Variants in RSBN1 observed in about 807,000 individuals in gnomAD.
RSBN1 encodes the protein round spermatid basic protein 1.
RSBN1 carries 23 observed loss-of-function variants against 74.8 expected under a neutral mutation model. That is an observed-to-expected ratio of 0.31 (90% confidence interval 0.22 to 0.44). The LOEUF is 0.44. Ranked by LOEUF, RSBN1 falls within the 20% of genes least tolerant of loss-of-function variation. The probability of loss-of-function intolerance (pLI) is 1.00; values close to 1 mark genes in which losing one functional copy is unlikely to be tolerated. For synonymous variants in RSBN1, 407 were observed against 379.6 expected, an observed-to-expected ratio of 1.07 and a Z score of -0.84; for missense variants, 808 against 1,020.9, an observed-to-expected ratio of 0.79 and a Z score of 2.84.
intron 1 of RSBN1, among the ~76,000 whole-genome samples, chr1:113,807,141 C>T (rs1241722824): frequency 3.3e-5 from 5 of 151,712 alleles, no homozygotes; most frequent in African/African-American, 9.7e-5. Context: ...GGCGAAACCC[C>T]GTCTCTACTG....
At chr1:113,776,810 CAAAAAAAA>C (rs58152175) in intron 4 of RSBN1, among the ~76,000 whole-genome samples, 1 of 90,262 alleles carries the variant, frequency 1.1e-5, no homozygotes, top group Non-Finnish European at 2.2e-5. Flanking sequence ...GACCCTATCT[CAAAAAAAA>C]AAAAAAAAAA....
rs942357033 is a variant in RSBN1, at chr1:113,764,433, G to A, written c.*1547C>T. ...ATTTGCTGATGGTTACTTTTCTATC[G>A]GTTTACACAGTGACCTCTATACTTT... On this transcript the variant is annotated 3_prime_UTR_variant, in exon 7 of 7. Transcript: ENST00000261441. 1 of 152,348 alleles carries A rather than the reference G, an allele frequency of 6.6e-6. No homozygotes were observed. The highest frequency in any genetic ancestry group is 1.5e-5 in the Non-Finnish European group (1 of 67,958). The allele number at this position is 152,348 out of a possible 1,614,324, so 9.4% of individuals were successfully genotyped here.
intron 4 of RSBN1, among the ~76,000 whole-genome samples, chr1:113,774,369 T>A (rs981687810): frequency 4.6e-5 from 7 of 151,874 alleles, no homozygotes; most frequent in Admixed American, 1.3e-4. Flanking sequence ...AACTCTTTTT[T>A]AATTAAAATT....
rs1659824927 is a variant in RSBN1, at chr1:113,768,372, T to C, written c.1676A>G (p.Lys559Arg). ...FKRRRSMNEI[K>R]NLQYLPRTSE... ...GGTCCGAGGTAGGTACTGGAGATTT[T>C]TTATTTCATTCATTGATCTAGAGTT... Residue 559 changes from lysine (K) to arginine (R), a missense_variant, in exon 5 of 7, where the codon AAA becomes AGA. Physicochemically the swap from Lys to Arg is conservative, Grantham distance 26. Coordinates refer to ENST00000261441, the MANE Select transcript of RSBN1 (RefSeq NM_018364.5). 1.2e-6 allele frequency: 2 copies of C among 1,602,986 alleles called. No homozygotes were observed. The highest frequency in any genetic ancestry group is 2.2e-5 in the East Asian group (1 of 44,766).
chr1:113,812,419 A>C lies in RSBN1; in HGVS notation c.-7T>G, dbSNP rs1428730984. 6.3e-7 allele frequency: 1 copy of C among 1,586,900 alleles called. No individual in the cohort carries two copies. Among genetic ancestry groups the C allele is most frequent in the Non-Finnish European group, 8.5e-7 (1 of 1,172,978 alleles). Reference sequence around the variant, plus strand: ...TTCGTCCAGAGATGAACATGCCGGAAGCGGCCGTTCCCAGCTTTTCTCCGC... The same window carrying C: ...TTCGTCCAGAGATGAACATGCCGGACGCGGCCGTTCCCAGCTTTTCTCCGC... On this transcript the variant is annotated 5_prime_UTR_variant, in exon 1 of 7. Coordinates refer to ENST00000261441, the MANE Select transcript of RSBN1 (RefSeq NM_018364.5).
chr1:113,811,207 C>T (rs903662237), intron 1 of RSBN1, among the ~76,000 whole-genome samples: 3 of 152,160 alleles, frequency 2.0e-5, no homozygotes, highest in Admixed American at 2.0e-4. Context: ...CCAAGATAAA[C>T]TGCGTCTGAT....
chr1:113,807,531 G>A (rs1040278132), intron 1 of RSBN1, among the ~76,000 whole-genome samples: 3 of 151,814 alleles, frequency 2.0e-5, no homozygotes, highest in East Asian at 1.9e-4. Context: ...AGGCTGAGGC[G>A]GGTGGATCAC....
Position 113,812,442 on chromosome 1 carries a change from C to G in RSBN1, c.-30G>C, listed in dbSNP as rs943126386. 16 of 1,555,888 alleles carry G rather than the reference C, an allele frequency of 1.0e-5. No homozygotes were observed. The highest frequency in any genetic ancestry group is 1.3e-5 in the Non-Finnish European group (15 of 1,158,074). ...GAAGCGGCCGTTCCCAGCTTTTCTC[C>G]GCAGGCCTCTCCAACCGAGCTTCTA... On this transcript the variant is annotated 5_prime_UTR_variant, in exon 1 of 7. Coordinates refer to ENST00000261441, the MANE Select transcript of RSBN1 (RefSeq NM_018364.5).
intron 1 of RSBN1, among the ~76,000 whole-genome samples, chr1:113,804,058 G>T (rs766914769): frequency 6.6e-6 from 1 of 151,952 alleles, no homozygotes; most frequent in African/African-American, 2.4e-5. Flanking sequence ...GAGCCCAGGA[G>T]TTCGAGGTTA....
intron 2 of RSBN1, among the ~76,000 whole-genome samples, chr1:113,780,786 C>T (rs1375393258): frequency 6.6e-6 from 1 of 152,192 alleles, no homozygotes; most frequent in Admixed American, 6.5e-5. Context: ...AACTATGCTA[C>T]AAAATACTAG....
intron 2 of RSBN1, among the ~76,000 whole-genome samples, chr1:113,786,194 T>C (rs886836301): frequency 3.3e-5 from 5 of 152,178 alleles, no homozygotes; most frequent in South Asian, 2.1e-4. Flanking sequence ...GAAAGAAGTA[T>C]GAAAGATGAC....
intron 2 of RSBN1, among the ~76,000 whole-genome samples, chr1:113,789,412 G>GT (rs1184074847): frequency 6.6e-6 from 1 of 152,170 alleles, no homozygotes; most frequent in Non-Finnish European, 1.5e-5. Context: ...CATGCCCTGT[G>GT]TATCTCTTCA....
intron 2 of RSBN1, among the ~76,000 whole-genome samples, chr1:113,786,531 T>C (rs1420433601): frequency 1.3e-5 from 2 of 152,142 alleles, no homozygotes; most frequent in East Asian, 1.9e-4. Context: ...GATAGAAGCA[T>C]AGCCTGGGGT....
chr1:113,799,332 G>C (rs1377498631), intron 1 of RSBN1, among the ~76,000 whole-genome samples: 5 of 152,146 alleles, frequency 3.3e-5, no homozygotes, highest in African/African-American at 1.2e-4. Context: ...TGTGACCCAT[G>C]GTGCCTGGCA....
intron 2 of RSBN1, chr1:113,796,280 C>T (rs1365782256): frequency 6.6e-6 from 1 of 152,216 alleles, no homozygotes; most frequent in East Asian, 1.9e-4. Context: ...GACCTCTCCA[C>T]ATTGGCTGCT....
chr1:113,762,569 C>A lies in RSBN1; in HGVS notation c.*3411G>T, dbSNP rs1241546482. ...AATGATAAAACAGATTAGAAAGATA[C>A]AAAATTATCCTAAAGGCATAAATGC... is the stretch of plus-strand genomic sequence containing the variant. On this transcript the variant is annotated 3_prime_UTR_variant, in exon 7 of 7. Coordinates refer to ENST00000261441, the MANE Select transcript of RSBN1 (RefSeq NM_018364.5). 7 of 152,598 alleles carry A rather than the reference C, an allele frequency of 4.6e-5. No homozygotes were observed. The highest frequency in any genetic ancestry group is 1.7e-4 in the African/African-American group (7 of 41,380). 9.5% of individuals were successfully genotyped at this position (152,598 alleles called of 1,614,324 possible).
At chr1:113,810,593 G>A (rs1660816132) in intron 1 of RSBN1, among the ~76,000 whole-genome samples, 1 of 151,996 alleles carries the variant, frequency 6.6e-6, no homozygotes, top group South Asian at 2.1e-4. Context: ...GCAATTATTT[G>A]CAACGAACTA....
intron 2 of RSBN1, among the ~76,000 whole-genome samples, chr1:113,785,125 CTTT>C (rs34675721): frequency 6.7e-6 from 1 of 150,224 alleles, no homozygotes; most frequent in African/African-American, 2.4e-5. Flanking sequence ...TACTTAAAAA[CTTT>C]TTTTTTTACT....
intron 2 of RSBN1, among the ~76,000 whole-genome samples, chr1:113,790,562 AAAG>A (rs1272599386): frequency 6.6e-6 from 1 of 152,214 alleles, no homozygotes; most frequent in Non-Finnish European, 1.5e-5. Context: ...TAAACAAAGA[AAAG>A]AAGTAGGCTT....
Sources: gnomAD v4.1 joint callset for allele counts (sites outside exome capture counted in the v4.1 genomes callset) on GRCh38, gnomAD v4.1.1 for gene constraint, MANE v1.5 for transcripts, NCBI Gene and HGNC (gene_info 2026-07-23, HGNC 2026-07-21) for gene names.